Variants in CFAP53 observed in about 807,000 individuals in gnomAD.
CFAP53 encodes cilia- and flagella-associated protein 53.
CFAP53 carries 62 observed loss-of-function variants against 59.7 expected under a neutral mutation model. That is an observed-to-expected ratio of 1.04 (90% confidence interval 0.85 to 1.28). CFAP53 has a LOEUF of 1.28. Among genes scored for constraint, CFAP53 ranks in the 50% most tolerant of loss-of-function variants. The probability of loss-of-function intolerance (pLI) is 0.00; values close to 1 mark genes in which losing one functional copy is unlikely to be tolerated. For missense variants in CFAP53, 629 were observed against 615.6 expected (o/e 1.02, Z -0.23); for synonymous variants, 218 against 205.7 (o/e 1.06, Z -0.51).
chr18:50,250,448 A>T (rs144453539), intron 5 of CFAP53, among the ~76,000 whole-genome samples: 2 of 152,258 alleles, frequency 1.3e-5, no homozygotes, highest in Non-Finnish European at 2.9e-5. Flanking sequence ...GTCCAACTCA[A>T]ATGTCACTTT....
rs929259416 is a variant in CFAP53 at position 50,266,120 on chromosome 18, T to C, written c.69+216A>G. The stretch of plus-strand genomic sequence containing the variant: ...ATAACTTTGGGGGCAGATGAAAGGC[T>C]GTAAGGATGAAAACAGAGGGAGATG... On this transcript the variant is annotated intron_variant, in intron 1 of 7. Transcript: ENST00000398545. Among the ~76,000 whole-genome samples the C allele has an allele frequency of 4.6e-5, 7 of 152,128 alleles. 1 individual carries two copies. Among genetic ancestry groups the C allele is most frequent in the Non-Finnish European group, 7.4e-5 (5 of 68,016 alleles).
intron 3 of CFAP53, among the ~76,000 whole-genome samples, chr18:50,260,692 A>T (rs991604598): frequency 6.6e-5 from 10 of 152,094 alleles, no homozygotes; most frequent in Non-Finnish European, 1.2e-4. Flanking sequence ...CCCCCCAGGG[A>T]ACCCAAGCAC....
intron 5 of CFAP53, among the ~76,000 whole-genome samples, chr18:50,243,657 A>G (rs1225880570): frequency 6.6e-6 from 1 of 152,174 alleles, no homozygotes; most frequent in Non-Finnish European, 1.5e-5. Context: ...AGCTTTACAA[A>G]GTATTGACAT....
intron 3 of CFAP53, chr18:50,255,959 C>T (rs1037764217): frequency 6.6e-6 from 1 of 151,956 alleles, no homozygotes; most frequent in Non-Finnish European, 1.5e-5. Context: ...GGTCTAATAA[C>T]GCATCCTTAC....
At chr18:50,246,875 G>A (rs1353470636) in intron 5 of CFAP53, among the ~76,000 whole-genome samples, 11 of 151,810 alleles carry the variant, frequency 7.2e-5, no homozygotes, top group Admixed American at 3.3e-4. Context: ...GTGAAACCCC[G>A]TCTCTACTAA....
At chr18:50,260,473 G>A (rs779452774) in intron 3 of CFAP53, among the ~76,000 whole-genome samples, 1 of 152,004 alleles carries the variant, frequency 6.6e-6, no homozygotes, top group Non-Finnish European at 1.5e-5. Flanking sequence ...ACCACCCTGC[G>A]CAACATGACG....
intron 3 of CFAP53, among the ~76,000 whole-genome samples, chr18:50,252,993 A>G (rs966164576): frequency 8.0e-5 from 12 of 150,940 alleles, no homozygotes; most frequent in South Asian, 4.2e-4. Flanking sequence ...TCTAACCTGC[A>G]CTCTAGGTCA....
intron 5 of CFAP53, among the ~76,000 whole-genome samples, chr18:50,248,390 A>G (rs1484266168): frequency 6.6e-6 from 1 of 152,226 alleles, no homozygotes; most frequent in Non-Finnish European, 1.5e-5. Context: ...GTAACATGGT[A>G]TGGCTACTCT....
chr18:50,235,527 C>T (rs142523997), intron 7 of CFAP53, among the ~76,000 whole-genome samples: 249 of 150,788 alleles, frequency 1.7e-3, no homozygotes, highest in African/African-American at 5.8e-3. Flanking sequence ...GGGATCACGC[C>T]ACTGCATTCC....
chr18:50,256,952 A>G (rs915637928), intron 3 of CFAP53, among the ~76,000 whole-genome samples: 1 of 148,606 alleles, frequency 6.7e-6, no homozygotes, highest in African/African-American at 2.5e-5. Flanking sequence ...CTCATACTAG[A>G]TGACCTAACA....
At chr18:50,251,350 T>C in intron 4 of CFAP53, 131 bp downstream of exon 4, 1 of 794,552 alleles carries the variant, frequency 1.3e-6, no homozygotes, top group Non-Finnish European at 2.0e-6. Context: ...TAAACAGCAC[T>C]AAGAGTCCAA....
rs140610045 is a variant in CFAP53 at position 50,260,058 on chromosome 18, T to C, written c.473+1006A>G. 7.9e-3 allele frequency among the ~76,000 whole-genome samples: 1,201 copies of C among 152,318 alleles called. 5 individuals are homozygous for C. Among genetic ancestry groups the C allele is most frequent in the South Asian group, 0.019 (94 of 4,832 alleles). Reference sequence around the variant, plus strand: ...CTAAAAGCATCTGCCAAGCTTCTGATTATATAACACTATAGATCATCTCCA... The same window carrying C: ...CTAAAAGCATCTGCCAAGCTTCTGACTATATAACACTATAGATCATCTCCA... On this transcript the variant is annotated intron_variant, in intron 3 of 7. Coordinates refer to ENST00000398545, the MANE Select transcript of CFAP53 (RefSeq NM_145020.5).
chr18:50,251,097 G>A, intron 4 of CFAP53, 121 bp from the exon 5 acceptor site: 2 of 830,652 alleles, frequency 2.4e-6, no homozygotes, highest in Non-Finnish European at 3.8e-6. Flanking sequence ...TGGATTTAGA[G>A]AGGCTGTAAG....
In CFAP53 at chr18:50,227,455, G is replaced by A; in HGVS notation, c.1471C>T (p.Leu491=). ...KMCLDKVQEV[L]STHQVLPQNI... The stretch of plus-strand genomic sequence containing the variant: ...TGAGGCAGCACTTGATGGGTGGACA[G>A]GACCTCCTGGACCTTGTCCAAACAC... Residue 491 remains leucine (L), a synonymous_variant, in exon 8 of 8, where the codon CTG becomes TTG. Coordinates refer to ENST00000398545, the MANE Select transcript of CFAP53 (RefSeq NM_145020.5). 1 of 1,614,160 alleles carries A rather than the reference G, an allele frequency of 6.2e-7. No homozygotes were observed. Among genetic ancestry groups the A allele is most frequent in the South Asian group, 1.1e-5 (1 of 91,076 alleles).
rs151070783 is a variant in CFAP53, at chr18:50,235,524, C to T, written c.1316+3079G>A. Among the ~76,000 whole-genome samples, 167 of 151,596 alleles carry T rather than the reference C, an allele frequency of 1.1e-3. 1 individual carries two copies. In the Middle Eastern group the frequency reaches 0.021, roughly 19 times the overall value. On this transcript the variant is annotated intron_variant, in intron 7 of 7. Transcript: ENST00000398545. ...CAGAGGTTGCAGTGAGCTGGGATCACGCCACTGCATTCCAGCCTTGACAAG... is the reference window on the plus strand; with the variant it reads ...CAGAGGTTGCAGTGAGCTGGGATCATGCCACTGCATTCCAGCCTTGACAAG...
intron 3 of CFAP53, among the ~76,000 whole-genome samples, chr18:50,260,362 A>G (rs1480827884): frequency 6.6e-6 from 1 of 152,058 alleles, no homozygotes; most frequent in Non-Finnish European, 1.5e-5. Flanking sequence ...AACAGACAAT[A>G]AAGAAGAGAG....
rs373959289 is a variant in CFAP53, at chr18:50,242,883, G to T, written c.1213+17C>A. The T allele has an allele frequency of 1.9e-4, 305 of 1,593,074 alleles. No individual in the cohort carries two copies. The highest frequency in any genetic ancestry group is 2.4e-4 in the Non-Finnish European group (280 of 1,163,778). On this transcript the variant is annotated intron_variant, in intron 6 of 7. Transcript: ENST00000398545. ...ATTAAGGGCAAGCTATAATATAACT[G>T]TAATTCAGTTCCTTACACTTTTCTT...
intron 4 of CFAP53, among the ~76,000 whole-genome samples, chr18:50,251,190 T>C (rs1012281504): frequency 1.5e-4 from 23 of 152,232 alleles, no homozygotes; most frequent in Non-Finnish European, 2.8e-4. Context: ...ATGTAATAAA[T>C]AGTTGTAGAG....
At chr18:50,253,128 G>A (rs180867261) in intron 3 of CFAP53, among the ~76,000 whole-genome samples, 12 of 150,882 alleles carry the variant, frequency 8.0e-5, no homozygotes, top group Admixed American at 2.0e-4. Context: ...GCCATTCCCC[G>A]GCCTCAGCCT....
Sources: allele counts gnomAD v4.1 joint callset (sites outside exome capture counted in the v4.1 genomes callset), GRCh38; gene constraint gnomAD v4.1.1; transcripts MANE v1.5; gene names NCBI Gene and HGNC (gene_info 2026-07-23, HGNC 2026-07-21).